The following TBC1D14 variants were observed in gnomAD, a reference collection of about 807,000 sequenced individuals.
The protein encoded by TBC1D14 is TBC1 domain family member 14.
Under a neutral mutation model 79.0 loss-of-function variants are expected in TBC1D14, and 26 were observed. That is an observed-to-expected ratio of 0.33 (90% CI 0.24 to 0.46). The LOEUF is 0.46. Among genes scored for constraint, TBC1D14 ranks in the 20% least tolerant of loss-of-function variants. The pLI is 1.00. For synonymous variants in TBC1D14, 394 were observed against 349.9 expected (o/e 1.13, Z -1.40); for missense variants, 769 against 887.6 (o/e 0.87, Z 1.70).
Position 7,033,106 on chromosome 4 carries a change from A to G in TBC1D14, c.*2714A>G, listed in dbSNP as rs1723207828. On this transcript the variant is annotated 3_prime_UTR_variant, in exon 14 of 14. Transcript: ENST00000409757. ...GTTTTATTAAATAAAAGTCAATGTA[A>G]AATTGTTACTTATGTTCACCATCGT... is the stretch of plus-strand genomic sequence containing the variant. 1 of 152,640 alleles carries G rather than the reference A, an allele frequency of 6.6e-6. No individual in the cohort carries two copies. Among genetic ancestry groups the G allele is most frequent in the Admixed American group, 6.5e-5 (1 of 15,282 alleles). The allele number at this position is 152,640 out of a possible 1,614,324, so 9.5% of individuals were successfully genotyped here.
upstream of TBC1D14, chr4:6,909,740 T>C (rs1722807748): frequency 7.3e-6 from 1 of 136,388 alleles, no homozygotes; most frequent in Non-Finnish European, 1.6e-5. Flanking sequence ...GGGGCGCAAG[T>C]GCGTGGGGGC....
intron 11 of TBC1D14, among the ~76,000 whole-genome samples, chr4:7,014,159 C>T (rs1721059694): frequency 6.6e-6 from 1 of 152,204 alleles, no homozygotes; most frequent in Non-Finnish European, 1.5e-5. Flanking sequence ...GCTTCACCAC[C>T]TACAAAGCTT....
At chr4:6,947,956 C>T (rs1440308200) in intron 2 of TBC1D14, among the ~76,000 whole-genome samples, 1 of 152,128 alleles carries the variant, frequency 6.6e-6, no homozygotes, top group Non-Finnish European at 1.5e-5. Context: ...CCTACAAATG[C>T]AGGGGGAGGT....
chr4:6,924,241 C>G lies in TBC1D14; in HGVS notation c.722+130C>G, dbSNP rs896266143. The stretch of plus-strand genomic sequence containing the variant: ...CACTGTCTCACACAGATAATTGGGT[C>G]TTTTCCCAGAAGCCCGGAATCCTGT... On this transcript the variant is annotated intron_variant, in intron 2 of 13. Coordinates refer to ENST00000409757, the MANE Select transcript of TBC1D14 (RefSeq NM_020773.3). The G allele has an allele frequency of 4.6e-6, 6 of 1,300,264 alleles. No homozygotes were observed. The Admixed American group carries it at 1.8e-4, about 39-fold the overall frequency. The allele number at this position is 1,300,264 out of a possible 1,614,324, so 80.5% of individuals were successfully genotyped here.
At chr4:6,932,904 G>A (rs1462672019) in intron 2 of TBC1D14, among the ~76,000 whole-genome samples, 11 of 152,038 alleles carry the variant, frequency 7.2e-5, no homozygotes, top group Admixed American at 6.6e-4. Context: ...GGTTCCCCTC[G>A]GGCACTTATC....
chr4:6,994,063 T>G, intron 3 of TBC1D14, 121 bp from the exon 4 acceptor site: 6 of 813,774 alleles, frequency 7.4e-6, no homozygotes, highest in Non-Finnish European at 1.0e-5. Context: ...GGAAAGGTTT[T>G]TGGCGAATTG....
chr4:6,944,684 A>G (rs67252699), intron 2 of TBC1D14, among the ~76,000 whole-genome samples: 20,972 of 152,188 alleles, frequency 0.14, 2,014 homozygotes, highest in African/African-American at 0.27. Flanking sequence ...AGGCGTAGGA[A>G]AATTAGTCCT....
intron 13 of TBC1D14, among the ~76,000 whole-genome samples, chr4:7,027,796 CT>C (rs1722595667): frequency 1.4e-5 from 2 of 146,632 alleles, no homozygotes; most frequent in South Asian, 4.5e-4. Context: ...CAATCACCCC[CT>C]ACACATATCA....
intron 3 of TBC1D14, among the ~76,000 whole-genome samples, chr4:6,974,624 AC>A (rs1716550607): frequency 6.6e-6 from 1 of 152,112 alleles, no homozygotes; most frequent in Non-Finnish European, 1.5e-5. Flanking sequence ...GGCTTTGAAA[AC>A]AGCTGACTTG....
rs1304787426 is a variant in TBC1D14 at position 6,923,661 on chromosome 4, C to A, written c.272C>A (p.Ser91Tyr). ...CSAVHVRRKQSDSDLIPERAF... is the reference protein window; with the variant it reads ...CSAVHVRRKQYDSDLIPERAF... ...GCGGTCCACGTGAGGAGGAAGCAGT[C>A]CGACTCCGACCTCATCCCCGAGCGG... The change falls in exon 2 of 14, where the codon TCC (serine) becomes TAC (tyrosine). Residue 91 changes from serine to tyrosine, a missense_variant. Around this residue, in one of 2 missense-constraint regions of TBC1D14, gnomAD observed 402 missense variants for 393.2 expected, o/e 1.02. Coordinates refer to ENST00000409757, the MANE Select transcript of TBC1D14 (RefSeq NM_020773.3). 6.2e-7 allele frequency: 1 copy of A among 1,613,732 alleles called. No individual in the cohort carries two copies. Among genetic ancestry groups the A allele is most frequent in the Non-Finnish European group, 8.5e-7 (1 of 1,180,028 alleles).
intron 12 of TBC1D14, among the ~76,000 whole-genome samples, chr4:7,016,523 G>T (rs1366948916): frequency 6.6e-6 from 1 of 152,184 alleles, no homozygotes; most frequent in African/African-American, 2.4e-5. Flanking sequence ...CTGTTTTAGG[G>T]CTTCTGATTA....
chr4:6,968,311 G>T (rs1715886279), intron 3 of TBC1D14, among the ~76,000 whole-genome samples: 1 of 152,130 alleles, frequency 6.6e-6, no homozygotes, highest in Non-Finnish European at 1.5e-5. Flanking sequence ...CAGGAGGAGT[G>T]GGGTGGCACA....
chr4:7,001,027 G>A (rs2109198430), intron 6 of TBC1D14, 118 bp from the exon 7 acceptor site: 1 of 750,570 alleles, frequency 1.3e-6, no homozygotes, highest in Middle Eastern at 3.6e-4. Context: ...CCTGAGGGCA[G>A]GGGCTGTGCC....
At chr4:6,951,888 G>C (rs781302908) in intron 2 of TBC1D14, among the ~76,000 whole-genome samples, 2 of 152,096 alleles carry the variant, frequency 1.3e-5, no homozygotes, top group Non-Finnish European at 2.9e-5. Flanking sequence ...TATATAAATT[G>C]TGACTGTTGA....
intron 3 of TBC1D14, among the ~76,000 whole-genome samples, chr4:6,986,560 G>A (rs1238408862): frequency 2.6e-5 from 4 of 152,194 alleles, no homozygotes; most frequent in East Asian, 1.9e-4. Context: ...ATCTGCGGGG[G>A]GAGCCTTGGG....
At chr4:6,980,568 C>A (rs536639298) in intron 3 of TBC1D14, among the ~76,000 whole-genome samples, 89 of 152,166 alleles carry the variant, frequency 5.8e-4, no homozygotes, top group Non-Finnish European at 2.9e-5. Context: ...AAATGATAGA[C>A]CGAAAGCTGG....
chr4:6,977,918 C>T (rs1329993510), intron 3 of TBC1D14, among the ~76,000 whole-genome samples: 9 of 151,588 alleles, frequency 5.9e-5, no homozygotes, highest in Non-Finnish European at 2.9e-5. Flanking sequence ...TGAGGAGCGT[C>T]TCTGCCCGGC....
chr4:7,029,474 T>C (rs915516556), intron 13 of TBC1D14, among the ~76,000 whole-genome samples: 3 of 152,268 alleles, frequency 2.0e-5, no homozygotes, highest in Non-Finnish European at 2.9e-5. Context: ...GGCAGAGTTC[T>C]CTGCTTGGCG....
intron 3 of TBC1D14, among the ~76,000 whole-genome samples, chr4:6,974,841 T>C (rs1716569744): frequency 6.6e-6 from 1 of 152,188 alleles, no homozygotes; most frequent in Non-Finnish European, 1.5e-5. Flanking sequence ...AAAAATTTCC[T>C]CTGAATCAGA....
Sources: allele counts gnomAD v4.1 joint callset (sites outside exome capture counted in the v4.1 genomes callset), GRCh38; gene constraint gnomAD v4.1.1; regional missense constraint gnomAD v4.1.1; transcripts MANE v1.5; gene names NCBI Gene and HGNC (gene_info 2026-07-23, HGNC 2026-07-21).